SNX8: variants seen among roughly 807,000 people sequenced by gnomAD.
SNX8 encodes sorting nexin 8, also known as sorting nexin-8.
A neutral mutation model predicts 51.6 loss-of-function variants in SNX8; 25 were observed. That is an observed-to-expected ratio of 0.48 (90% CI 0.35 to 0.68). The LOEUF is 0.68. Ranked by LOEUF, SNX8 falls within the 30% of genes least tolerant of loss-of-function variation. The pLI, the probability that SNX8 is intolerant of heterozygous loss-of-function variation, is 0.00. For synonymous variants in SNX8, 324 were observed against 277.0 expected (o/e 1.17, Z -1.68); for missense variants, 695 against 624.0 (o/e 1.11, Z -1.21).
intron 1 of SNX8, among the ~76,000 whole-genome samples, chr7:2,311,006 C>G (rs980448182): frequency 6.6e-6 from 1 of 152,092 alleles, no homozygotes; most frequent in Non-Finnish European, 1.5e-5. Flanking sequence ...CTACAATGTT[C>G]TATTCTTTTT....
upstream of SNX8, among the ~76,000 whole-genome samples, chr7:2,318,313 G>A (rs1297109690): frequency 1.3e-5 from 2 of 152,120 alleles, no homozygotes; most frequent in African/African-American, 4.8e-5. Context: ...CACTTTGGGA[G>A]GCTGAGGCAG....
Position 2,255,110 on chromosome 7 carries a change from G to A in SNX8, c.1344C>T (p.His448=). The A allele has an allele frequency of 6.3e-7, 1 of 1,580,910 alleles. No homozygotes were observed. The highest frequency in any genetic ancestry group is 8.6e-7 in the Non-Finnish European group (1 of 1,163,888). Residue 448 remains histidine, a synonymous_variant, in exon 11 of 11, where the codon CAC becomes CAT. Coordinates refer to ENST00000222990, the MANE Select transcript of SNX8 (RefSeq NM_013321.4). ...GGGAGCACGGTGGGGTCAGGGTGCT[G>A]TGTGGTCCCGCAAAGAGGCAGCTGA... ...PKLSCLFAGP[H]STLTPPCSPP...
chr7:2,313,141 C>T (rs1035325593), intron 1 of SNX8, among the ~76,000 whole-genome samples: 6 of 151,982 alleles, frequency 3.9e-5, no homozygotes, highest in Admixed American at 3.3e-4. Flanking sequence ...CCTCGTGATC[C>T]GCCCGCCTCG....
chr7:2,277,633 T>C (rs1191150532), intron 2 of SNX8, among the ~76,000 whole-genome samples: 2 of 26,428 alleles, frequency 7.6e-5, no homozygotes, highest in East Asian at 1.1e-3. Flanking sequence ...ACCCTGTCTC[T>C]ACTAAAAAAA....
At chr7:2,354,445 C>T (rs1444924485), upstream of SNX8, 1 of 152,208 alleles carries the variant, frequency 6.6e-6, no homozygotes, top group Non-Finnish European at 1.5e-5. Context: ...CTCCACTCTT[C>T]CAGGGTATTA....
At chr7:2,258,435 C>G (rs1244729745) in intron 7 of SNX8, among the ~76,000 whole-genome samples, 1 of 152,140 alleles carries the variant, frequency 6.6e-6, no homozygotes, top group African/African-American at 2.4e-5. Flanking sequence ...GCGACTCTCC[C>G]AACACATATG....
chr7:2,269,929 C>G (rs1298147038), intron 4 of SNX8, among the ~76,000 whole-genome samples: 2 of 152,146 alleles, frequency 1.3e-5, no homozygotes, highest in Non-Finnish European at 2.9e-5. Flanking sequence ...GAAACAGCCA[C>G]TCCATCCACA....
chr7:2,291,032 G>T (rs1178517832), intron 1 of SNX8, among the ~76,000 whole-genome samples: 1 of 152,138 alleles, frequency 6.6e-6, no homozygotes, highest in African/African-American at 2.4e-5. Context: ...ACTGGCTCAC[G>T]CCTGCAATCC....
intron 1 of SNX8, among the ~76,000 whole-genome samples, chr7:2,298,272 C>G (rs1796316287): frequency 6.6e-6 from 1 of 152,010 alleles, no homozygotes; most frequent in South Asian, 2.1e-4. Flanking sequence ...CCTGCCCCAT[C>G]ATGTGCAGCT....
intron 1 of SNX8, among the ~76,000 whole-genome samples, chr7:2,353,643 G>C (rs1405004975): frequency 6.6e-6 from 1 of 151,950 alleles, no homozygotes; most frequent in Non-Finnish European, 1.5e-5. Flanking sequence ...TCACCATGTT[G>C]TACCATCACC....
At chr7:2,258,874 A>G (rs749239630) in intron 7 of SNX8, among the ~76,000 whole-genome samples, 9 of 152,134 alleles carry the variant, frequency 5.9e-5, no homozygotes, top group Non-Finnish European at 1.3e-4. Context: ...GCAGCCCTGG[A>G]GTGGAACAGG....
rs1028507908 is a variant in SNX8 at position 2,314,210 on chromosome 7, G to C, written c.94+118C>G. The C allele has an allele frequency of 1.9e-5, 20 of 1,073,662 alleles. No individual in the cohort carries two copies. In the African/African-American group the frequency reaches 3.0e-4, roughly 16 times the overall value. 66.5% of individuals were successfully genotyped at this position (1,073,662 alleles called of 1,614,324 possible). ...GGGACTGGGGCGTGGGGCCGAACGC[G>C]GGGCGCGGGGGCAGGAAACGAGTCG... On this transcript the variant is annotated intron_variant, in intron 1 of 10. Transcript: ENST00000222990.
chr7:2,314,260 CCGT>C, intron 1 of SNX8, 65 bp downstream of exon 1: 1 of 1,210,864 alleles, frequency 8.3e-7, no homozygotes, highest in Non-Finnish European at 1.0e-6. Context: ...CGGCTGAGCC[CCGT>C]CCGCCGGGGG....
chr7:2,313,608 C>T (rs1445555561), intron 1 of SNX8, among the ~76,000 whole-genome samples: 2 of 151,744 alleles, frequency 1.3e-5, no homozygotes, highest in African/African-American at 4.8e-5. Context: ...CATGCCCGTA[C>T]TCCCAGCACT....
intron 1 of SNX8, among the ~76,000 whole-genome samples, chr7:2,312,528 C>T (rs1016903282): frequency 2.6e-5 from 4 of 152,136 alleles, no homozygotes; most frequent in African/African-American, 9.7e-5. Flanking sequence ...TACACTGATA[C>T]AAGGGAAAGG....
intron 1 of SNX8, among the ~76,000 whole-genome samples, chr7:2,289,674 T>C (rs1245084948): frequency 6.6e-6 from 1 of 152,228 alleles, no homozygotes; most frequent in Non-Finnish European, 1.5e-5. Flanking sequence ...AAGGCAATAC[T>C]GCAGTCACTC....
At chr7:2,282,882 C>G (rs956426741) in intron 1 of SNX8, among the ~76,000 whole-genome samples, 22 of 151,804 alleles carry the variant, frequency 1.4e-4, no homozygotes, top group Non-Finnish European at 2.9e-4. Context: ...AGCACTTTGG[C>G]AGGCCGAGGC....
chr7:2,293,422 A>G (rs34974704), intron 1 of SNX8, among the ~76,000 whole-genome samples: 67,448 of 150,756 alleles, frequency 0.45, 15,407 homozygotes, highest in East Asian at 0.66. Context: ...CTGGGAGGCC[A>G]AGGCAGGTGG....
At chr7:2,257,621 C>A in intron 8 of SNX8, 107 bp from the exon 9 acceptor site, 2 of 1,561,324 alleles carry the variant, frequency 1.3e-6, no homozygotes, top group Non-Finnish European at 1.8e-6. Flanking sequence ...CCCGTCTTCC[C>A]CTGCAGCCCT....
Sources: allele counts gnomAD v4.1 joint callset (sites outside exome capture counted in the v4.1 genomes callset), GRCh38; gene constraint gnomAD v4.1.1; transcripts MANE v1.5; gene names NCBI Gene and HGNC (gene_info 2026-07-23, HGNC 2026-07-21).